The following RBFOX1 variants were observed in gnomAD, a reference collection of about 807,000 sequenced individuals.
RBFOX1 encodes the protein RNA binding protein fox-1 homolog 1.
RBFOX1 carries 8 observed loss-of-function variants against 57.7 expected under a neutral mutation model. The ratio of observed to expected loss-of-function variants is 0.14; its 90% CI spans 0.08 to 0.25. The LOEUF (loss-of-function observed/expected upper bound fraction) is 0.25, where lower values mean the gene tolerates loss of function less well. Ranked by LOEUF, RBFOX1 falls within the 10% of genes least tolerant of loss-of-function variation. RBFOX1 has a pLI of 1.00. For missense variants in RBFOX1, 611 were observed against 548.5 expected, an observed-to-expected ratio of 1.11 and a Z score of -1.14; for synonymous variants, 326 against 222.4, an observed-to-expected ratio of 1.47 and a Z score of -4.15.
chr16:7,447,536 C>G (rs904688780), intron 4 of RBFOX1, among the ~76,000 whole-genome samples: 2 of 151,764 alleles, frequency 1.3e-5, no homozygotes, highest in East Asian at 3.9e-4. Context: ...AAGTGATGGT[C>G]TCTGAAGCCT....
At chr16:5,533,811 G>C (rs562383879) in intron 2 of RBFOX1, among the ~76,000 whole-genome samples, 1 of 152,266 alleles carries the variant, frequency 6.6e-6, no homozygotes, top group South Asian at 2.1e-4. Flanking sequence ...TGGTAGGTTT[G>C]ATTTGGTTTA....
chr16:6,813,244 C>T (rs1381765471), intron 3 of RBFOX1, among the ~76,000 whole-genome samples: 1 of 152,108 alleles, frequency 6.6e-6, no homozygotes, highest in Non-Finnish European at 1.5e-5. Context: ...TCTCCGGTTC[C>T]CCAGATAGTA....
intron 1 of RBFOX1, among the ~76,000 whole-genome samples, chr16:6,193,015 A>G (rs1252223319): frequency 6.6e-6 from 1 of 152,126 alleles, no homozygotes. Flanking sequence ...CTGTGAAATA[A>G]TGAGAATGTT....
At chr16:6,436,610 C>A (rs1278543601) in intron 2 of RBFOX1, among the ~76,000 whole-genome samples, 1 of 149,710 alleles carries the variant, frequency 6.7e-6, no homozygotes, top group Non-Finnish European at 1.5e-5. Flanking sequence ...CCACCCCAAG[C>A]CCAGTTTCTT....
rs78302185 is a variant in RBFOX1, at chr16:7,293,787, T to C, written c.28-224360T>C. ...GATAAACCTAGTTTCGTATGATTCC[T>C]TACATCGTTCCTAGCTCACCTCCAA... On this transcript the variant is annotated intron_variant, in intron 4 of 15. Transcript: ENST00000550418. Among the ~76,000 whole-genome samples the C allele has an allele frequency of 6.7e-4, 102 of 152,260 alleles. No homozygotes were observed. The East Asian group carries it at 0.019, about 29-fold the overall frequency.
chr16:6,877,195 A>G (rs1377416672), intron 3 of RBFOX1, among the ~76,000 whole-genome samples: 2 of 152,220 alleles, frequency 1.3e-5, no homozygotes, highest in Non-Finnish European at 2.9e-5. Flanking sequence ...CGTTACATTT[A>G]AAAAGTGCAT....
chr16:5,980,746 G>GT (rs2060155515), intron 4 of RBFOX1, among the ~76,000 whole-genome samples: 1 of 152,144 alleles, frequency 6.6e-6, no homozygotes, highest in Non-Finnish European at 1.5e-5. Flanking sequence ...GCAGGTAGGT[G>GT]TGTGTGCGTC....
intron 4 of RBFOX1, among the ~76,000 whole-genome samples, chr16:7,192,811 A>T (rs1368239587): frequency 6.6e-6 from 1 of 152,198 alleles, no homozygotes; most frequent in Non-Finnish European, 1.5e-5. Flanking sequence ...AACATTTTTA[A>T]AAAGTAAAAT....
At chr16:6,164,283 A>G (rs1031300881) in intron 1 of RBFOX1, among the ~76,000 whole-genome samples, 1 of 152,198 alleles carries the variant, frequency 6.6e-6, no homozygotes, top group Non-Finnish European at 1.5e-5. Context: ...ATTTTTAAAA[A>G]TATAAGCCTG....
At position 5,582,140 on chromosome 16, in the gene RBFOX1, C is replaced by T. The variant is rs189521056; in HGVS notation, c.259-16762C>T. 3.9e-5 allele frequency among the ~76,000 whole-genome samples: 6 copies of T among 152,262 alleles called. No individual in the cohort carries two copies. In the East Asian group the frequency reaches 9.7e-4, roughly 24 times the overall value. The stretch of plus-strand genomic sequence containing the variant: ...AGGCAGTCTCGAGGGAGCCCTAATC[C>T]CAGGGACTTGTATTACTCTCGCCCC... On this transcript the variant is annotated intron_variant, in intron 2 of 2. Coordinates refer to the RBFOX1 transcript ENST00000585867.
At chr16:7,204,546 T>C (rs1029752455) in intron 4 of RBFOX1, among the ~76,000 whole-genome samples, 2 of 152,140 alleles carry the variant, frequency 1.3e-5, no homozygotes, top group Non-Finnish European at 2.9e-5. Flanking sequence ...CGCAGGAAGC[T>C]GAGGATGGAG....
At chr16:6,560,717 G>T (rs532779663) in intron 2 of RBFOX1, among the ~76,000 whole-genome samples, 1 of 152,048 alleles carries the variant, frequency 6.6e-6, no homozygotes, top group South Asian at 2.1e-4. Context: ...TTATGAGGGC[G>T]CTTAATGCAG....
At chr16:5,854,965 C>T (rs900796438) in intron 3 of RBFOX1, among the ~76,000 whole-genome samples, 21 of 152,124 alleles carry the variant, frequency 1.4e-4, no homozygotes, top group African/African-American at 4.3e-4. Flanking sequence ...TTGCATTGCC[C>T]CAATAATTAG....
At position 5,950,206 on chromosome 16, in the gene RBFOX1, C is replaced by T. The variant is rs57470792; in HGVS notation, c.351+82871C>T. On this transcript the variant is annotated intron_variant, in intron 4 of 19. Coordinates refer to the RBFOX1 transcript ENST00000641259. ...TGAGGCCTCTTGTTAAAAAATGACACGGACTTTCAAGGCAGACAGCAGAAC... is the reference window on the plus strand; with the variant it reads ...TGAGGCCTCTTGTTAAAAAATGACATGGACTTTCAAGGCAGACAGCAGAAC... 4.5e-3 allele frequency among the ~76,000 whole-genome samples: 684 copies of T among 152,276 alleles called. 9 individuals are homozygous for T. Among genetic ancestry groups the T allele is most frequent in the African/African-American group, 0.015 (630 of 41,558 alleles).
intron 1 of RBFOX1, among the ~76,000 whole-genome samples, chr16:5,447,407 TCTCG>T (rs1284329620): frequency 1.3e-5 from 2 of 151,728 alleles, no homozygotes; most frequent in African/African-American, 2.4e-5. Flanking sequence ...TCTCTCTCTC[TCTCG>T]ACGCAGTCTT....
At chr16:7,661,284 T>C (rs1367521899) in intron 12 of RBFOX1, among the ~76,000 whole-genome samples, 1 of 152,224 alleles carries the variant, frequency 6.6e-6, no homozygotes, top group Non-Finnish European at 1.5e-5. Flanking sequence ...CCCTTCATGA[T>C]GGGGTTTATA....
intron 5 of RBFOX1, among the ~76,000 whole-genome samples, chr16:7,529,937 A>AG (rs1206631705): frequency 6.8e-6 from 1 of 147,806 alleles, no homozygotes; most frequent in Non-Finnish European, 1.5e-5. Flanking sequence ...TGAATGCAGG[A>AG]GGCGGAGGTT....
chr16:5,535,863 C>T (rs1376915620), intron 2 of RBFOX1, among the ~76,000 whole-genome samples: 2 of 152,158 alleles, frequency 1.3e-5, no homozygotes, highest in African/African-American at 2.4e-5. Flanking sequence ...CTAATTTGGG[C>T]TACTGCTGAG....
chr16:5,624,838 G>A (rs2048302806), intron 3 of RBFOX1, among the ~76,000 whole-genome samples: 1 of 152,226 alleles, frequency 6.6e-6, no homozygotes, highest in South Asian at 2.1e-4. Context: ...TGGGGGGACA[G>A]AGAAAGCTGC....
Sources: gnomAD v4.1 joint callset for allele counts (sites outside exome capture counted in the v4.1 genomes callset) on GRCh38, gnomAD v4.1.1 for gene constraint, MANE v1.5 for transcripts, NCBI Gene and HGNC (gene_info 2026-07-23, HGNC 2026-07-21) for gene names.